CPZ: variants seen among roughly 807,000 people sequenced by gnomAD.
The protein encoded by CPZ is carboxypeptidase Z.
Under a neutral mutation model 61.8 loss-of-function variants are expected in CPZ, and 103 were observed. The observed-to-expected ratio is 1.67, with a 90% CI of 1.42 to 1.96. The LOEUF (loss-of-function observed/expected upper bound fraction) is 1.96. Ranked by LOEUF, CPZ falls within the 30% of genes most tolerant of loss-of-function variation. The pLI, the probability that CPZ is intolerant of heterozygous loss-of-function variation, is 0.00. For synonymous variants in CPZ, 551 were observed against 373.7 expected (o/e 1.47, Z -5.47); for missense variants, 1,461 against 914.9 (o/e 1.60, Z -7.70).
chr4:8,603,189 A>G (rs1018086153), intron 3 of CPZ: 1 of 152,302 alleles, frequency 6.6e-6, no homozygotes, highest in South Asian at 2.1e-4. Context: ...TGGACCCAGG[A>G]ACAGCCTGCG....
At chr4:8,608,649 C>T (rs13111780) in intron 7 of CPZ, among the ~76,000 whole-genome samples, 17 of 10,372 alleles carry the variant, frequency 1.6e-3, no homozygotes, top group South Asian at 0.015. Context: ...CACGTGTGTG[C>T]GTGTGCATGC....
chr4:8,597,925 G>A (rs12498962), intron 1 of CPZ, among the ~76,000 whole-genome samples: 12,891 of 152,224 alleles, frequency 0.085, 616 homozygotes, highest in South Asian at 0.11. Context: ...GTGATGTGGC[G>A]GTTGGCACCT....
intron 7 of CPZ, among the ~76,000 whole-genome samples, chr4:8,609,172 C>CCT (rs1560298072): frequency 8.8e-4 from 37 of 41,858 alleles, no homozygotes; most frequent in Admixed American, 3.7e-3. Context: ...ATTCACTCAC[C>CCT]CATTCACTCA....
chr4:8,614,894 C>T (rs952023692), intron 9 of CPZ, among the ~76,000 whole-genome samples: 3 of 151,874 alleles, frequency 2.0e-5, no homozygotes, highest in African/African-American at 7.3e-5. Context: ...AATCAAACCA[C>T]AGGACAGGGA....
Position 8,619,681 on chromosome 4 carries a change from G to C in CPZ, c.*64G>C, listed in dbSNP as rs1052984055. ...CCCATCTCCGCATCCCGGGCTCCTG[G>C]CTCTTGATTTTGTCTGCCACAGACA... On this transcript the variant is annotated 3_prime_UTR_variant, in exon 11 of 11. Transcript: ENST00000360986. 5 of 1,289,362 alleles carry C rather than the reference G, an allele frequency of 3.9e-6. No homozygotes were observed. The highest frequency in any genetic ancestry group is 2.8e-4 in the Middle Eastern group (1 of 3,622). The allele number at this position is 1,289,362 out of a possible 1,614,324, so 79.9% of individuals were successfully genotyped here.
chr4:8,605,624 A>AT lies in CPZ; in HGVS notation c.710-364dup, dbSNP rs1212814070. ...CATCCATCCATCCATCCATCCATCC[A>AT]TCATTGATATATCCATTCATCCACT... On this transcript the variant is annotated intron_variant, in intron 4 of 10. Transcript: ENST00000360986. Among the ~76,000 whole-genome samples the AT allele has an allele frequency of 2.8e-3, 305 of 110,320 alleles. 3 individuals are homozygous for AT. Among genetic ancestry groups the AT allele is most frequent in the African/African-American group, 0.014 (289 of 20,114 alleles). The allele number at this position is 110,320 out of a possible 152,430, so 72.4% of individuals were successfully genotyped here.
intron 7 of CPZ, 151 bp from the exon 8 acceptor site, chr4:8,611,876 C>G: frequency 8.8e-7 from 1 of 1,132,666 alleles, no homozygotes; most frequent in African/African-American, 1.5e-5. Context: ...CTCTGCAGGA[C>G]ACCGTTCCCC....
chr4:8,616,869 G>C (rs1351264749), intron 9 of CPZ, among the ~76,000 whole-genome samples: 1 of 152,224 alleles, frequency 6.6e-6, no homozygotes, highest in African/African-American at 2.4e-5. Flanking sequence ...TCCAGGGTGG[G>C]GGTCACGAGC....
chr4:8,600,375 G>T (rs1456195868), intron 2 of CPZ, among the ~76,000 whole-genome samples: 1 of 152,168 alleles, frequency 6.6e-6, no homozygotes, highest in Non-Finnish European at 1.5e-5. Context: ...TGTCCTATGC[G>T]ATGCCACATC....
Position 8,619,352 on chromosome 4 carries a change from T to C in CPZ, c.1694T>C (p.Val565Ala). 2 of 1,614,158 alleles carry C rather than the reference T, an allele frequency of 1.2e-6. No individual in the cohort carries two copies. The highest frequency in any genetic ancestry group is 8.5e-7 in the Non-Finnish European group (1 of 1,179,998). Residue 565 changes from valine (V) to alanine (A), a missense_variant, in exon 11 of 11, where the codon GTC (valine) becomes GCC (alanine). Coordinates refer to ENST00000360986, the MANE Select transcript of CPZ (RefSeq NM_001014447.3). Reference protein sequence around the residue: ...APGYAKVIKKVIIPARMKRAG... With the variant: ...APGYAKVIKKAIIPARMKRAG... ...GGCTACGCCAAAGTCATCAAGAAAG[T>C]CATCATCCCCGCCCGGATGAAGAGG...
At position 8,614,511 on chromosome 4, in the gene CPZ, G is replaced by C. The variant is rs199812768; in HGVS notation, c.1503+13G>C. ...TTTCGTGGAGACGGTGAGTTCTGAC[G>C]GTCTCAGGGCTCTGGTCCAGCTGTG... On this transcript the variant is annotated intron_variant, in intron 9 of 10. Coordinates refer to ENST00000360986, the MANE Select transcript of CPZ (RefSeq NM_001014447.3). The C allele has an allele frequency of 1.2e-6, 2 of 1,611,594 alleles. No individual in the cohort carries two copies. The highest frequency in any genetic ancestry group is 2.7e-5 in the African/African-American group (2 of 74,902).
chr4:8,614,923 A>C (rs1716034668), intron 9 of CPZ, among the ~76,000 whole-genome samples: 1 of 151,720 alleles, frequency 6.6e-6, no homozygotes, highest in Admixed American at 6.6e-5. Flanking sequence ...AGCAGAGGGG[A>C]GCATGCTAGA....
At position 8,595,481 on chromosome 4, in the gene CPZ, T is replaced by A. The variant is rs868356326; in HGVS notation, c.88+2560T>A. ...GGAGAGGCAGAGGGTGGGCTTTGGG[T>A]CAGCAGGCCCACCCCCGTGTGGTAA... On this transcript the variant is annotated intron_variant, in intron 1 of 10. Coordinates refer to ENST00000360986, the MANE Select transcript of CPZ (RefSeq NM_001014447.3). 2.0e-5 allele frequency among the ~76,000 whole-genome samples: 3 copies of A among 152,232 alleles called. No individual in the cohort carries two copies. The South Asian group carries it at 6.2e-4, about 32-fold the overall frequency.
intron 8 of CPZ, among the ~76,000 whole-genome samples, 161 bp downstream of exon 8, chr4:8,612,323 T>A (rs1203566373): frequency 1.3e-5 from 2 of 150,448 alleles, no homozygotes; most frequent in Non-Finnish European, 2.9e-5. Context: ...TGGCGTGAGT[T>A]TTGTTTCTGT....
chr4:8,598,266 C>A (rs7654688), intron 1 of CPZ, among the ~76,000 whole-genome samples: 1 of 152,248 alleles, frequency 6.6e-6, no homozygotes, highest in South Asian at 2.1e-4. Flanking sequence ...TGGGGAAACC[C>A]AGTCCCAGGA....
rs759121729 is a variant in CPZ, at chr4:8,604,086, C to A, written c.607C>A (p.Arg203Ser). The stretch of plus-strand genomic sequence containing the variant: ...GCGTGTGCTGAGGCGGACGGCCTCC[C>A]GCTGCGCCCACGTGGCCAGGACCTA... ...MVRVLRRTASRCAHVARTYSI... is the reference protein window; with the variant it reads ...MVRVLRRTASSCAHVARTYSI... Residue 203 changes from arginine (R) to serine (S), a missense_variant, in exon 4 of 11, where the codon CGC becomes AGC. Coordinates refer to ENST00000360986, the MANE Select transcript of CPZ (RefSeq NM_001014447.3). The A allele has an allele frequency of 4.4e-5, 71 of 1,609,270 alleles. No homozygotes were observed. The East Asian group carries it at 1.2e-3, about 27-fold the overall frequency.
chr4:8,603,873 C>T (rs965839244), intron 3 of CPZ, 103 bp from the exon 4 acceptor site: 23 of 951,034 alleles, frequency 2.4e-5, no homozygotes, highest in Middle Eastern at 4.6e-4. Flanking sequence ...GCATGGCTGT[C>T]GTGCAGAGGG....
At chr4:8,605,947 C>A (rs368587083) in intron 4 of CPZ, 42 bp from the exon 5 acceptor site, 1 of 1,584,760 alleles carries the variant, frequency 6.3e-7, no homozygotes, top group Non-Finnish European at 8.6e-7. Flanking sequence ...TGGGGACCCC[C>A]GGCTTTGAGA....
At chr4:8,615,602 C>T (rs3756162) in intron 9 of CPZ, among the ~76,000 whole-genome samples, 33,084 of 152,042 alleles carry the variant, frequency 0.22, 4,432 homozygotes, top group Non-Finnish European at 0.3. Context: ...CAGACGGGGC[C>T]GTCCCATTTT....
Sources: gnomAD v4.1 joint callset for allele counts (sites outside exome capture counted in the v4.1 genomes callset) on GRCh38, gnomAD v4.1.1 for gene constraint, MANE v1.5 for transcripts, NCBI Gene and HGNC (gene_info 2026-07-23, HGNC 2026-07-21) for gene names.